MRPL27: variants seen among roughly 807,000 people sequenced by gnomAD.
MRPL27 encodes the protein large ribosomal subunit protein bL27m.
MRPL27 carries 4 observed loss-of-function variants against 14.6 expected under a neutral mutation model. That is an observed-to-expected ratio of 0.27 (90% CI 0.14 to 0.63). MRPL27 has a LOEUF of 0.63. MRPL27 is among the 20% of genes least tolerant of loss of function. The pLI, the probability that MRPL27 is intolerant of heterozygous loss-of-function variation, is 0.85. For missense variants in MRPL27, 196 were observed against 192.8 expected (o/e 1.02, Z -0.10); for synonymous variants, 82 against 75.5 (o/e 1.09, Z -0.45).
chr17:50,367,957 A>G lies in MRPL27; in HGVS notation c.*135T>C. The stretch of plus-strand genomic sequence containing the variant: ...CAAAGGGTTTCCCAGCAGTCACTTC[A>G]GAGTCTCCTGCAGAGTCACCATCAA... On this transcript the variant is annotated 3_prime_UTR_variant, in exon 4 of 4. Coordinates refer to ENST00000225969, the MANE Select transcript of MRPL27 (RefSeq NM_016504.3). The G allele has an allele frequency of 1.0e-6, 1 of 952,970 alleles. No individual in the cohort carries two copies. The highest frequency in any genetic ancestry group is 1.7e-5 in the South Asian group (1 of 59,676). 59.0% of individuals were successfully genotyped at this position (952,970 alleles called of 1,614,324 possible). A position where few individuals can be genotyped will look rare whatever the true frequency, so the allele number is the denominator to read the frequency against.
intron 1 of MRPL27, among the ~76,000 whole-genome samples, chr17:50,372,038 G>C (rs1278902041): frequency 6.6e-6 from 1 of 152,096 alleles, no homozygotes; most frequent in East Asian, 1.9e-4. Context: ...AAATTCATCC[G>C]TTTTCCTCCA....
In MRPL27 at chr17:50,368,176, G is replaced by A. The variant is rs779877439; in HGVS notation, c.363C>T (p.Pro121=). The change falls in exon 4 of 4, where the codon CCC becomes CCT. Residue 121 remains proline, a synonymous_variant. Transcript: ENST00000225969. ...TEAVDLITRL[P]KGAVLYKTFV... Reference sequence around the variant, plus strand: ...AAGTCTTGTAGAGCACAGCACCCTTGGGCAGCCTGGTGATCAGATCCACAG... The same window carrying A: ...AAGTCTTGTAGAGCACAGCACCCTTAGGCAGCCTGGTGATCAGATCCACAG... The A allele has an allele frequency of 1.2e-6, 2 of 1,614,064 alleles. No individual in the cohort carries two copies. The highest frequency in any genetic ancestry group is 1.7e-6 in the Non-Finnish European group (2 of 1,180,032).
In MRPL27 at chr17:50,368,244, A is replaced by G; in HGVS notation, c.295T>C (p.Tyr99His). 3.1e-6 allele frequency: 5 copies of G among 1,614,204 alleles called. No homozygotes were observed. Among genetic ancestry groups the G allele is most frequent in the Non-Finnish European group, 3.4e-6 (4 of 1,180,046 alleles). ...TGAGGCACGTAGACCTCCTTAGTGTAGCGGACTATCCCCTCTTCCAGGGCA... is the reference window on the plus strand; with the variant it reads ...TGAGGCACGTAGACCTCCTTAGTGTGGCGGACTATCCCCTCTTCCAGGGCA... ...LYALEEGIVR[Y>H]TKEVYVPHPR... Residue 99 changes from tyrosine (Y) to histidine (H), a missense_variant, in exon 4 of 4, where the codon TAC (tyrosine) becomes CAC (histidine). Coordinates refer to ENST00000225969, the MANE Select transcript of MRPL27 (RefSeq NM_016504.3).
At position 50,370,117 on chromosome 17, in the gene MRPL27, A is replaced by G. The variant is rs768524337; in HGVS notation, c.173-18T>C. ...ATAGTGACCTAGAAGAGAAGTCCACAGTGACTGGGGCAGCATAGCAAACTA... is the reference window on the plus strand; with the variant it reads ...ATAGTGACCTAGAAGAGAAGTCCACGGTGACTGGGGCAGCATAGCAAACTA... On this transcript the variant is annotated intron_variant, in intron 2 of 3. Transcript: ENST00000225969. 5 of 1,603,622 alleles carry G rather than the reference A, an allele frequency of 3.1e-6. No individual in the cohort carries two copies. The highest frequency in any genetic ancestry group is 1.1e-5 in the South Asian group (1 of 90,138).
At chr17:50,371,583 C>G (rs953872530) in intron 1 of MRPL27, among the ~76,000 whole-genome samples, 3 of 152,208 alleles carry the variant, frequency 2.0e-5, no homozygotes, top group African/African-American at 7.2e-5. Context: ...TCTCCAGACA[C>G]AGCCATGATT....
At chr17:50,369,912 T>G in intron 3 of MRPL27, 120 bp downstream of exon 3, 1 of 1,113,994 alleles carries the variant, frequency 9.0e-7, no homozygotes, top group Non-Finnish European at 1.3e-6. Flanking sequence ...GGCATGGGAA[T>G]CAGCACAATG....
chr17:50,371,644 A>T, intron 1 of MRPL27, among the ~76,000 whole-genome samples: 1 of 152,316 alleles, frequency 6.6e-6, no homozygotes, highest in African/African-American at 2.4e-5. Flanking sequence ...TCTGGAGCCT[A>T]TAAGTTCAGA....
rs1192049827 is a variant in MRPL27, at chr17:50,373,158, C to A, written c.13G>T (p.Val5Leu). The stretch of plus-strand genomic sequence containing the variant: ...GCTGTCCGGGTCCTCAGCGCCAACA[C>A]CACCGACGCCATGCTTTCGATCACT... MASVVLALRTRTAVT... is the reference protein window; with the variant it reads MASVLLALRTRTAVT... The change falls in exon 1 of 4, where the codon GTG (valine) becomes TTG (leucine). Residue 5 changes from valine to leucine, a missense_variant. Transcript: ENST00000225969. 6.2e-7 allele frequency: 1 copy of A among 1,613,020 alleles called. No individual in the cohort carries two copies. The highest frequency in any genetic ancestry group is 8.5e-7 in the Non-Finnish European group (1 of 1,179,242).
rs1913018695 is a variant in MRPL27 at position 50,368,218 on chromosome 17, A to T, written c.321T>A (p.His107Gln). Residue 107 changes from histidine (H) to glutamine (Q), a missense_variant, in exon 4 of 4, where the codon CAT becomes CAA. Physicochemically the swap from His to Gln is conservative, Grantham distance 24. Coordinates refer to ENST00000225969, the MANE Select transcript of MRPL27 (RefSeq NM_016504.3). ...GATCCACAGCCTCCGTGTTTCTGGGATGAGGCACGTAGACCTCCTTAGTGT... is the reference window on the plus strand; with the variant it reads ...GATCCACAGCCTCCGTGTTTCTGGGTTGAGGCACGTAGACCTCCTTAGTGT... ...VRYTKEVYVP[H>Q]PRNTEAVDLI... is the part of the protein sequence containing the mutation. The T allele has an allele frequency of 6.2e-7, 1 of 1,614,170 alleles. No homozygotes were observed. The highest frequency in any genetic ancestry group is 1.3e-5 in the African/African-American group (1 of 75,028).
chr17:50,368,594 A>T, intron 3 of MRPL27: 1 of 591,042 alleles, frequency 1.7e-6, no homozygotes, highest in Non-Finnish European at 3.0e-6. Context: ...CACTGCACAA[A>T]TCCCAAAACC....
chr17:50,368,912 T>C (rs1913044409), intron 3 of MRPL27: 1 of 697,284 alleles, frequency 1.4e-6, no homozygotes, highest in Admixed American at 2.1e-5. Context: ...AACTGTGTTG[T>C]ATATACAGTT....
At position 50,370,548 on chromosome 17, in the gene MRPL27, C is replaced by A. The variant is rs1175124025; in HGVS notation, c.79G>T (p.Ala27Ser). Residue 27 changes from alanine to serine, a missense_variant, in exon 2 of 4, where the codon GCT becomes TCT. By Grantham distance (99) the Ala-to-Ser change is moderately conservative. Transcript: ENST00000225969. Reference protein sequence around the residue: ...LLSPTPATALAVRYASKKSGG... With the variant: ...LLSPTPATALSVRYASKKSGG... ...GACTTCTTGGATGCGTATCTGACAG[C>A]AAGAGCTGTAGCCGGAGTGGGGCTT... 1 of 1,614,174 alleles carries A rather than the reference C, an allele frequency of 6.2e-7. No homozygotes were observed.
intron 1 of MRPL27, 127 bp from the exon 2 acceptor site, chr17:50,370,713 C>G: frequency 7.5e-7 from 1 of 1,326,486 alleles, no homozygotes; most frequent in Non-Finnish European, 1.1e-6. Context: ...GCAGAAGTGC[C>G]ACTGAGTGTA....
intron 2 of MRPL27, 102 bp from the exon 3 acceptor site, chr17:50,370,201 A>C (rs902554146): frequency 1.5e-6 from 2 of 1,293,866 alleles, no homozygotes; most frequent in African/African-American, 3.0e-5. Flanking sequence ...CCCCTGGCCA[A>C]AAACAACTCC....
intron 2 of MRPL27, 172 bp from the exon 3 acceptor site, chr17:50,370,271 C>T: frequency 8.6e-7 from 1 of 1,158,830 alleles, no homozygotes; most frequent in Non-Finnish European, 1.2e-6. Context: ...TCTCTAATTG[C>T]ATGGTTATGG....
At chr17:50,368,485 C>T in intron 3 of MRPL27, 187 bp from the exon 4 acceptor site, 1 of 633,032 alleles carries the variant, frequency 1.6e-6, no homozygotes, top group South Asian at 2.0e-5. Context: ...TGACTCATAA[C>T]AAATGAGGGA....
Position 50,368,190 on chromosome 17 carries a change from T to C in MRPL27, c.349A>G (p.Ile117Val), listed in dbSNP as rs1315268182. ...HPRNTEAVDL[I>V]TRLPKGAVLY... Reference sequence around the variant, plus strand: ...ACAGCACCCTTGGGCAGCCTGGTGATCAGATCCACAGCCTCCGTGTTTCTG... The same window carrying C: ...ACAGCACCCTTGGGCAGCCTGGTGACCAGATCCACAGCCTCCGTGTTTCTG... Residue 117 changes from isoleucine (I) to valine (V), a missense_variant, in exon 4 of 4, where the codon ATC becomes GTC. Physicochemically the swap from Ile to Val is conservative, Grantham distance 29. Coordinates refer to ENST00000225969, the MANE Select transcript of MRPL27 (RefSeq NM_016504.3). The C allele has an allele frequency of 3.1e-6, 5 of 1,614,194 alleles. No individual in the cohort carries two copies. The highest frequency in any genetic ancestry group is 4.2e-6 in the Non-Finnish European group (5 of 1,180,038).
chr17:50,370,671 C>T lies in MRPL27; in HGVS notation c.41-85G>A, dbSNP rs1440434016. ...GGGCCACATGCTGATACGTGAGAGG[C>T]GGTGGGGAGATGAGAAAGCTGTGTC... is the stretch of plus-strand genomic sequence containing the variant. On this transcript the variant is annotated intron_variant, in intron 1 of 3. Transcript: ENST00000225969. 43 of 1,516,160 alleles carry T rather than the reference C, an allele frequency of 2.8e-5. 1 individual carries two copies. In the South Asian group the frequency reaches 2.9e-4, roughly 10 times the overall value. 93.9% of individuals were successfully genotyped at this position (1,516,160 alleles called of 1,614,324 possible). A position where few individuals can be genotyped will look rare whatever the true frequency, so the allele number is the denominator to read the frequency against.
Position 50,370,089 on chromosome 17 carries a change from A to G in MRPL27, c.183T>C (p.Val61=), listed in dbSNP as rs1218377588. 3 of 1,612,448 alleles carry G rather than the reference A, an allele frequency of 1.9e-6. No homozygotes were observed. The highest frequency in any genetic ancestry group is 3.4e-5 in the Admixed American group (2 of 59,514). ...GTGTTGCAATGATGTTCCCAGCATGAACATAGTGACCTAGAAGAGAAGTCC... is the reference window on the plus strand; with the variant it reads ...GTGTTGCAATGATGTTCCCAGCATGGACATAGTGACCTAGAAGAGAAGTCC... ...QGIKKMEGHY[V]HAGNIIATQR... Residue 61 remains valine (V), a synonymous_variant, in exon 3 of 4, where the codon GTT becomes GTC. Coordinates refer to ENST00000225969, the MANE Select transcript of MRPL27 (RefSeq NM_016504.3).
Sources: allele counts gnomAD v4.1 joint callset (sites outside exome capture counted in the v4.1 genomes callset), GRCh38; gene constraint gnomAD v4.1.1; transcripts MANE v1.5; gene names NCBI Gene and HGNC (gene_info 2026-07-23, HGNC 2026-07-21).